Variants in MMP16 observed in about 807,000 individuals in gnomAD.
MMP16 encodes matrix metallopeptidase 16.
A neutral mutation model predicts 67.8 loss-of-function variants in MMP16; 12 were observed. The observed-to-expected ratio is 0.18, with a 90% CI of 0.11 to 0.29. The LOEUF is 0.29. Ranked by LOEUF, MMP16 falls within the 10% of genes least tolerant of loss-of-function variation. The probability of loss-of-function intolerance (pLI) is 1.00; values close to 1 mark genes in which losing one functional copy is unlikely to be tolerated. For synonymous variants in MMP16, 249 were observed against 255.9 expected, an observed-to-expected ratio of 0.97 and a Z score of 0.26; for missense variants, 475 against 765.7, an observed-to-expected ratio of 0.62 and a Z score of 4.48.
chr8:88,192,720 G>T (rs1200816152), intron 2 of MMP16, among the ~76,000 whole-genome samples: 1 of 151,906 alleles, frequency 6.6e-6, no homozygotes, highest in African/African-American at 2.4e-5. Context: ...TGGGGTTCTT[G>T]GTACATCTAA....
intron 1 of MMP16, among the ~76,000 whole-genome samples, chr8:88,303,595 C>T (rs892490505): frequency 6.6e-6 from 1 of 152,214 alleles, no homozygotes; most frequent in South Asian, 2.1e-4. Flanking sequence ...TGGGACAGAG[C>T]CTTCAGAAGA....
At chr8:88,176,878 G>A (rs1034287461) in intron 3 of MMP16, among the ~76,000 whole-genome samples, 1 of 152,072 alleles carries the variant, frequency 6.6e-6, no homozygotes, top group East Asian at 1.9e-4. Context: ...GTTCTCCTTG[G>A]CCTTCACTGT....
intron 1 of MMP16, among the ~76,000 whole-genome samples, chr8:88,235,757 T>C (rs1233536068): frequency 6.6e-6 from 1 of 152,174 alleles, no homozygotes; most frequent in Non-Finnish European, 1.5e-5. Flanking sequence ...TCCTGAACCC[T>C]GTCAACAGGC....
chr8:88,267,151 G>A (rs1810488844), intron 1 of MMP16, among the ~76,000 whole-genome samples: 1 of 152,254 alleles, frequency 6.6e-6, no homozygotes, highest in South Asian at 2.1e-4. Context: ...AGGACACACA[G>A]AAGGAAAGCT....
intron 1 of MMP16, among the ~76,000 whole-genome samples, chr8:88,286,709 G>A (rs1019381208): frequency 6.6e-5 from 10 of 151,980 alleles, no homozygotes; most frequent in African/African-American, 2.4e-4. Flanking sequence ...CCAAGTAGCT[G>A]CTACTACAGG....
chr8:88,311,749 C>A (rs1393625556), intron 1 of MMP16, among the ~76,000 whole-genome samples: 1 of 151,858 alleles, frequency 6.6e-6, no homozygotes, highest in Non-Finnish European at 1.5e-5. Context: ...ATGTGAGAAC[C>A]ACTGTACTAG....
At chr8:88,125,840 T>G (rs1434519067) in intron 4 of MMP16, among the ~76,000 whole-genome samples, 1 of 151,946 alleles carries the variant, frequency 6.6e-6, no homozygotes, top group African/African-American at 2.4e-5. Context: ...GCAACACTTT[T>G]TCCCTGGATA....
chr8:88,124,403 T>A (rs1237125494), intron 4 of MMP16, among the ~76,000 whole-genome samples: 1 of 151,948 alleles, frequency 6.6e-6, no homozygotes, highest in African/African-American at 2.4e-5. Flanking sequence ...ATGACTTTCA[T>A]TGACAATGGA....
In MMP16 at chr8:88,267,336, T is replaced by C. The variant is rs375708084; in HGVS notation, c.132+59739A>G. Among the ~76,000 whole-genome samples, 18 of 152,304 alleles carry C rather than the reference T, an allele frequency of 1.2e-4. No homozygotes were observed. The East Asian group carries it at 3.3e-3, about 28-fold the overall frequency. ...GCTAGTGGTGGTTAAGTCTTAAATA[T>C]AAATCTTTTTACTATAGATCTCACA... On this transcript the variant is annotated intron_variant, in intron 1 of 9. Transcript: ENST00000286614.
intron 1 of MMP16, among the ~76,000 whole-genome samples, chr8:88,275,457 C>T (rs1349045316): frequency 1.3e-5 from 2 of 151,754 alleles, no homozygotes; most frequent in Admixed American, 6.6e-5. Context: ...CCATTTTTTT[C>T]AGGATCCCTT....
chr8:88,183,620 A>C (rs535046953), intron 3 of MMP16, among the ~76,000 whole-genome samples: 1 of 152,086 alleles, frequency 6.6e-6, no homozygotes, highest in Non-Finnish European at 1.5e-5. Flanking sequence ...TGCCTCTTAA[A>C]GATTTTACCA....
intron 1 of MMP16, among the ~76,000 whole-genome samples, chr8:88,275,882 T>G (rs1222308277): frequency 6.6e-6 from 1 of 152,024 alleles, no homozygotes; most frequent in South Asian, 2.1e-4. Context: ...AATCCAATTT[T>G]TTTAGCCTTG....
chr8:88,182,337 C>G (rs950801009), intron 3 of MMP16, among the ~76,000 whole-genome samples: 5 of 151,930 alleles, frequency 3.3e-5, no homozygotes, highest in African/African-American at 1.2e-4. Flanking sequence ...ACAGACACCT[C>G]GCCAAAGAAG....
chr8:88,257,772 A>C (rs1262853619), intron 1 of MMP16, among the ~76,000 whole-genome samples: 1 of 152,226 alleles, frequency 6.6e-6, no homozygotes, highest in Non-Finnish European at 1.5e-5. Context: ...TGAACAGAGC[A>C]CTTACCTTAT....
chr8:88,060,572 GACA>G (rs1808385702), intron 7 of MMP16, among the ~76,000 whole-genome samples: 1 of 152,048 alleles, frequency 6.6e-6, no homozygotes, highest in African/African-American at 2.4e-5. Context: ...AAACTAGGAT[GACA>G]CTTTCAAAAC....
chr8:88,067,686 T>C (rs1808481297), intron 7 of MMP16, among the ~76,000 whole-genome samples: 1 of 152,156 alleles, frequency 6.6e-6, no homozygotes, highest in South Asian at 2.1e-4. Flanking sequence ...TACTCTTGTT[T>C]TGTCTGAATT....
chr8:88,072,809 T>G (rs1042609400), intron 7 of MMP16, among the ~76,000 whole-genome samples: 2 of 152,174 alleles, frequency 1.3e-5, no homozygotes, highest in African/African-American at 2.4e-5. Flanking sequence ...GTGGGTAATT[T>G]CAATTCTTTT....
At chr8:88,133,080 CT>C (rs1201672491) in intron 4 of MMP16, among the ~76,000 whole-genome samples, 2 of 151,662 alleles carry the variant, frequency 1.3e-5, no homozygotes, top group African/African-American at 2.4e-5. Context: ...AACACTGTAC[CT>C]TTTTTTTCTT....
chr8:88,203,974 T>C (rs757174110), intron 1 of MMP16, among the ~76,000 whole-genome samples: 20 of 152,218 alleles, frequency 1.3e-4, no homozygotes, highest in Non-Finnish European at 2.1e-4. Context: ...GAAATTGTTT[T>C]TCAAGGAAAG....
Sources: allele counts gnomAD v4.1 joint callset (sites outside exome capture counted in the v4.1 genomes callset), GRCh38; gene constraint gnomAD v4.1.1; transcripts MANE v1.5; gene names NCBI Gene and HGNC (gene_info 2026-07-23, HGNC 2026-07-21).